Variants in KHDRBS3 observed in about 807,000 individuals in gnomAD.
KHDRBS3 encodes the protein KH domain-containing, RNA-binding, signal transduction-associated protein 3.
In KHDRBS3, 23 loss-of-function variants were observed where a neutral mutation model predicts 45.6. The observed-to-expected ratio is 0.50, with a 90% CI of 0.36 to 0.72. The LOEUF (loss-of-function observed/expected upper bound fraction) is 0.72, where lower values mean the gene tolerates loss of function less well. KHDRBS3 is among the 30% of genes least tolerant of loss of function. The probability of loss-of-function intolerance (pLI) is 0.00; values close to 1 mark genes in which losing one functional copy is unlikely to be tolerated. For missense variants in KHDRBS3, 352 were observed against 424.8 expected, an observed-to-expected ratio of 0.83 and a Z score of 1.51; for synonymous variants, 162 against 156.5, an observed-to-expected ratio of 1.04 and a Z score of -0.26.
intron 5 of KHDRBS3, among the ~76,000 whole-genome samples, chr8:135,580,666 G>A (rs1828160735): frequency 6.8e-6 from 1 of 146,440 alleles, no homozygotes; most frequent in Admixed American, 7.0e-5. Context: ...AGGCTGGAGT[G>A]CAGTGGTGTG....
chr8:135,472,934 GA>G (rs899115112), intron 1 of KHDRBS3, among the ~76,000 whole-genome samples: 1 of 152,014 alleles, frequency 6.6e-6, no homozygotes, highest in Admixed American at 6.6e-5. Context: ...TTGGTCAAAG[GA>G]AAAGAATCCC....
At chr8:135,615,782 T>G (rs545662779) in intron 7 of KHDRBS3, among the ~76,000 whole-genome samples, 33 of 152,330 alleles carry the variant, frequency 2.2e-4, no homozygotes, top group African/African-American at 7.7e-4. Context: ...GCAAGTATAC[T>G]GCATATCCTG....
chr8:135,641,656 C>T (rs543211886), intron 7 of KHDRBS3, among the ~76,000 whole-genome samples: 25 of 152,322 alleles, frequency 1.6e-4, no homozygotes, highest in African/African-American at 6.0e-4. Flanking sequence ...GGCGTCTAGA[C>T]CAGCCCCTGA....
At chr8:135,459,522 C>T (rs1293575131) in intron 1 of KHDRBS3, among the ~76,000 whole-genome samples, 2 of 152,142 alleles carry the variant, frequency 1.3e-5, no homozygotes, top group Non-Finnish European at 2.9e-5. Flanking sequence ...TTACATGTAT[C>T]TTTTATTGCC....
chr8:135,515,326 A>C (rs1310414168), intron 1 of KHDRBS3, among the ~76,000 whole-genome samples: 2 of 134,754 alleles, frequency 1.5e-5, no homozygotes, highest in Non-Finnish European at 3.1e-5. Flanking sequence ...AGATCACGCC[A>C]CTGCACTCCA....
chr8:135,501,284 T>C (rs764284314), intron 1 of KHDRBS3, among the ~76,000 whole-genome samples: 8 of 152,246 alleles, frequency 5.3e-5, no homozygotes, highest in Non-Finnish European at 1.0e-4. Context: ...TTCAGACATA[T>C]CCAGTTGGTG....
intron 7 of KHDRBS3, among the ~76,000 whole-genome samples, chr8:135,608,609 C>T (rs1238043231): frequency 6.6e-6 from 1 of 152,182 alleles, no homozygotes; most frequent in African/African-American, 2.4e-5. Context: ...AATCCTGGTA[C>T]ATTTGTGTGA....
chr8:135,654,526 G>A (rs987826130), intron 4 of KHDRBS3, among the ~76,000 whole-genome samples: 6 of 152,192 alleles, frequency 3.9e-5, no homozygotes, highest in African/African-American at 9.7e-5. Flanking sequence ...ACAGCATGGC[G>A]TCTGGCATGT....
intron 1 of KHDRBS3, among the ~76,000 whole-genome samples, chr8:135,506,797 C>T (rs1375427909): frequency 1.3e-5 from 2 of 152,096 alleles, no homozygotes; most frequent in African/African-American, 4.8e-5. Context: ...CCTCTTTTCT[C>T]TATAATTTCT....
chr8:135,543,341 T>A (rs1280035870), intron 3 of KHDRBS3, among the ~76,000 whole-genome samples: 1 of 152,214 alleles, frequency 6.6e-6, no homozygotes, highest in East Asian at 1.9e-4. Flanking sequence ...TTTTTATTGA[T>A]CATTTTCTTA....
chr8:135,652,546 A>C (rs994116145), downstream of KHDRBS3, among the ~76,000 whole-genome samples: 1 of 152,210 alleles, frequency 6.6e-6, no homozygotes, highest in Non-Finnish European at 1.5e-5. Flanking sequence ...GAGCTTTTCT[A>C]TCAGTGCCAT....
chr8:135,525,123 T>C (rs1825114670), intron 2 of KHDRBS3, among the ~76,000 whole-genome samples: 1 of 152,188 alleles, frequency 6.6e-6, no homozygotes, highest in African/African-American at 2.4e-5. Context: ...TGAATGTACA[T>C]TGTAGAAACC....
At chr8:135,469,384 A>C (rs999194096) in intron 1 of KHDRBS3, among the ~76,000 whole-genome samples, 3 of 151,940 alleles carry the variant, frequency 2.0e-5, no homozygotes, top group Non-Finnish European at 4.4e-5. Flanking sequence ...TCCCAGGTTC[A>C]CGCCATTCTC....
At chr8:135,545,909 G>C (rs562003500) in intron 3 of KHDRBS3, among the ~76,000 whole-genome samples, 1 of 152,130 alleles carries the variant, frequency 6.6e-6, no homozygotes, top group South Asian at 2.1e-4. Context: ...AGGCCAAGGC[G>C]GGGTGATCAC....
chr8:135,512,623 A>C (rs16905385), intron 1 of KHDRBS3, among the ~76,000 whole-genome samples: 1,634 of 152,336 alleles, frequency 0.011, 26 homozygotes, highest in African/African-American at 0.035. Context: ...CAAACTCACT[A>C]TACTCCTTTA....
intron 1 of KHDRBS3, among the ~76,000 whole-genome samples, chr8:135,496,205 A>G (rs1223334422): frequency 1.3e-5 from 2 of 150,878 alleles, no homozygotes; most frequent in East Asian, 3.9e-4. Flanking sequence ...AAAAATAGCA[A>G]AAGATAATCA....
At chr8:135,625,296 CT>C in intron 7 of KHDRBS3, 1 of 1,276,514 alleles carries the variant, frequency 7.8e-7, no homozygotes, top group Non-Finnish European at 1.1e-6. Context: ...CATTTTCCCC[CT>C]TGTTCTCCTG....
chr8:135,498,920 G>T (rs1345365698), intron 1 of KHDRBS3, among the ~76,000 whole-genome samples: 1 of 151,840 alleles, frequency 6.6e-6, no homozygotes, highest in African/African-American at 2.4e-5. Context: ...GACAGAACTG[G>T]GTATTGTTTT....
intron 1 of KHDRBS3, among the ~76,000 whole-genome samples, chr8:135,487,912 C>T (rs548535472): frequency 6.6e-6 from 1 of 152,232 alleles, no homozygotes; most frequent in Non-Finnish European, 1.5e-5. Context: ...AGGGATTGTT[C>T]ATAAGATGAT....
Sources: allele counts gnomAD v4.1 joint callset (sites outside exome capture counted in the v4.1 genomes callset), GRCh38; gene constraint gnomAD v4.1.1; transcripts MANE v1.5; gene names NCBI Gene and HGNC (gene_info 2026-07-23, HGNC 2026-07-21).